The following DNAH17 variants were observed in gnomAD, a reference collection of about 807,000 sequenced individuals.
DNAH17 encodes dynein axonemal heavy chain 17.
Under a neutral mutation model 485.6 loss-of-function variants are expected in DNAH17, and 376 were observed. The observed-to-expected ratio is 0.77, with a 90% CI of 0.71 to 0.84. The LOEUF (loss-of-function observed/expected upper bound fraction) is 0.84, where lower values mean the gene tolerates loss of function less well. Ranked by LOEUF, DNAH17 falls within the 40% of genes least tolerant of loss-of-function variation. The pLI, the probability that DNAH17 is intolerant of heterozygous loss-of-function variation, is 0.00. For missense variants in DNAH17, 6,370 were observed against 5,839.3 expected (o/e 1.09, Z -2.96); for synonymous variants, 3,031 against 2,405.9 (o/e 1.26, Z -7.60).
chr17:78,456,600 C>T (rs1378236613), intron 62 of DNAH17, among the ~76,000 whole-genome samples: 3 of 152,216 alleles, frequency 2.0e-5, no homozygotes, highest in Non-Finnish European at 4.4e-5. Context: ...CGATGCGCCT[C>T]GTGCTTCTCG....
chr17:78,448,943 C>A (rs690951), intron 69 of DNAH17, among the ~76,000 whole-genome samples: 35,019 of 152,112 alleles, frequency 0.23, 7,111 homozygotes, highest in African/African-American at 0.55. Flanking sequence ...CTGTTATAGC[C>A]GCACAAAACA....
chr17:78,572,251 G>A (rs1342458181), intron 3 of DNAH17, among the ~76,000 whole-genome samples: 2 of 114,886 alleles, frequency 1.7e-5, no homozygotes, highest in Non-Finnish European at 1.8e-5. Flanking sequence ...GGAGTCCCTT[G>A]GGCTTCCCAG....
At chr17:78,562,860 G>GAC (rs1452240076) in intron 11 of DNAH17, among the ~76,000 whole-genome samples, 2 of 152,090 alleles carry the variant, frequency 1.3e-5, no homozygotes, top group Non-Finnish European at 2.9e-5. Context: ...GTGGGAGGGG[G>GAC]ACCAGAGAGA....
chr17:78,500,164 G>A (rs1223845559), intron 36 of DNAH17, 141 bp downstream of exon 36: 7 of 939,448 alleles, frequency 7.5e-6, no homozygotes, highest in Non-Finnish European at 1.1e-5. Context: ...AGCAAGTGGG[G>A]GCCCTGGCAC....
chr17:78,501,458 G>A, intron 34 of DNAH17, 114 bp from the exon 35 acceptor site: 2 of 1,326,224 alleles, frequency 1.5e-6, no homozygotes, highest in Non-Finnish European at 2.0e-6. Flanking sequence ...AACCCTCCCT[G>A]GCCCTCTTTC....
chr17:78,532,843 T>A, intron 19 of DNAH17, 107 bp from the exon 20 acceptor site: 1 of 1,275,582 alleles, frequency 7.8e-7, no homozygotes, highest in Non-Finnish European at 1.1e-6. Flanking sequence ...GCGAAAGGGC[T>A]TCCAATCTCT....
At chr17:78,477,942 T>TCACCAC (rs1243475769) in intron 51 of DNAH17, among the ~76,000 whole-genome samples, 2 of 144,898 alleles carry the variant, frequency 1.4e-5, no homozygotes, top group African/African-American at 5.3e-5. Context: ...ATCACCACCA[T>TCACCAC]CACCATTATC....
In DNAH17 at chr17:78,444,631, C is replaced by A. The variant is rs751915627; in HGVS notation, c.11501G>T (p.Arg3834Leu). ...LQKLCMVRCL[R>L]PDRMTYAIKN... ...GATAGCGTAGGTCATGCGATCTGGC[C>A]GCAGGCAGCGCACCATGCACAGCTT... The change falls in exon 71 of 81, where the codon CGG (arginine) becomes CTG (leucine). Residue 3834 changes from arginine (R) to leucine (L), a missense_variant. Coordinates refer to ENST00000389840, the MANE Select transcript of DNAH17 (RefSeq NM_173628.4). 6.3e-7 allele frequency: 1 copy of A among 1,587,452 alleles called. No individual in the cohort carries two copies. Among genetic ancestry groups the A allele is most frequent in the African/African-American group, 1.3e-5 (1 of 74,386 alleles).
chr17:78,451,106 A>G (rs982798042), intron 66 of DNAH17, among the ~76,000 whole-genome samples: 1 of 152,208 alleles, frequency 6.6e-6, no homozygotes, highest in Non-Finnish European at 1.5e-5. Context: ...TCCTGAGCCC[A>G]TGCAAGTGGC....
chr17:78,530,978 T>C (rs537533334), intron 20 of DNAH17, among the ~76,000 whole-genome samples: 1 of 152,346 alleles, frequency 6.6e-6, no homozygotes, highest in African/African-American at 2.4e-5. Flanking sequence ...AGCTAGAGGT[T>C]TGTGCGTTAA....
chr17:78,426,742 G>A (rs768351008), intron 78 of DNAH17, 142 bp from the exon 79 acceptor site: 49 of 1,331,764 alleles, frequency 3.7e-5, no homozygotes, highest in African/African-American at 7.3e-5. Flanking sequence ...CCACGCAAGC[G>A]CTTCCTGCTA....
chr17:78,500,799 G>A (rs1250278397), intron 35 of DNAH17: 4 of 224,590 alleles, frequency 1.8e-5, no homozygotes, highest in Non-Finnish European at 3.5e-5. Context: ...ATGAGCCCCA[G>A]GAGACACATG....
At chr17:78,508,043 C>T (rs1342753715) in intron 27 of DNAH17, among the ~76,000 whole-genome samples, 1 of 152,204 alleles carries the variant, frequency 6.6e-6, no homozygotes, top group Non-Finnish European at 1.5e-5. Context: ...GAAGTACAGA[C>T]ACCTGCCACA....
At chr17:78,522,992 C>T (rs914466983) in intron 25 of DNAH17, among the ~76,000 whole-genome samples, 61 of 151,998 alleles carry the variant, frequency 4.0e-4, no homozygotes, top group African/African-American at 1.4e-3. Flanking sequence ...TAGCTGGGAT[C>T]ACAAGTGCAC....
chr17:78,514,253 T>C (rs1022045784), intron 26 of DNAH17, among the ~76,000 whole-genome samples: 17 of 152,144 alleles, frequency 1.1e-4, no homozygotes, highest in African/African-American at 4.1e-4. Flanking sequence ...ATGCCTGTAA[T>C]GCCAGCACTT....
rs1280961762 is a variant in DNAH17 at position 78,437,839 on chromosome 17, T to G, written c.11835A>C (p.Gly3945=). The G allele has an allele frequency of 2.3e-5, 37 of 1,611,020 alleles. 1 individual carries two copies. Among genetic ancestry groups the G allele is most frequent in the Non-Finnish European group, 3.1e-5 (36 of 1,178,912 alleles). The stretch of plus-strand genomic sequence containing the variant: ...AGTGCTCCAGCTTCTTGTCCAGTGT[T>G]CCCAGCCACCGGGCCACCAGGTGGA... ...QNIHLVARWL[G]TLDKKLEHYS... is the part of the protein sequence containing the mutation. Residue 3945 remains glycine, a synonymous_variant, in exon 74 of 81, where the codon GGA becomes GGC. Transcript: ENST00000389840.
chr17:78,537,353 G>C lies in DNAH17; in HGVS notation c.2805C>G (p.Ile935Met), dbSNP rs781644163. ...LALIEGLVND[I>M]YNVARLIPRL... ...GAGGGATGAGCCTGGCTACGTTGTA[G>C]ATGTCGTTGACCAGGCCCTCGATCA... Residue 935 changes from isoleucine (I) to methionine (M), a missense_variant, in exon 19 of 81, where the codon ATC becomes ATG. By Grantham distance (10) the Ile-to-Met change is conservative. Coordinates refer to ENST00000389840, the MANE Select transcript of DNAH17 (RefSeq NM_173628.4). 4 of 1,607,612 alleles carry C rather than the reference G, an allele frequency of 2.5e-6. No homozygotes were observed. In the African/African-American group the frequency reaches 5.3e-5, roughly 21 times the overall value.
intron 13 of DNAH17, among the ~76,000 whole-genome samples, chr17:78,560,224 T>C (rs777633775): frequency 2.0e-5 from 3 of 152,160 alleles, no homozygotes; most frequent in Non-Finnish European, 4.4e-5. Context: ...AAGTATTTGG[T>C]GAACGAAAGA....
intron 9 of DNAH17, among the ~76,000 whole-genome samples, chr17:78,567,723 C>T (rs1444052952): frequency 6.6e-6 from 1 of 152,146 alleles, no homozygotes; most frequent in East Asian, 1.9e-4. Flanking sequence ...GAAGCGCTCC[C>T]TGACTATTTT....
Sources: allele counts gnomAD v4.1 joint callset (sites outside exome capture counted in the v4.1 genomes callset), GRCh38; gene constraint gnomAD v4.1.1; transcripts MANE v1.5; gene names NCBI Gene and HGNC (gene_info 2026-07-23, HGNC 2026-07-21).